The following PDE8B variants were observed in gnomAD, a reference collection of about 807,000 sequenced individuals.
PDE8B encodes the protein phosphodiesterase 8B.
A neutral mutation model predicts 101.3 loss-of-function variants in PDE8B; 26 were observed. The observed-to-expected ratio is 0.26, with a 90% CI of 0.19 to 0.36. PDE8B has a LOEUF of 0.36. Among genes scored for constraint, PDE8B ranks in the 10% least tolerant of loss-of-function variants. The probability of loss-of-function intolerance (pLI) is 1.00; values close to 1 mark genes in which losing one functional copy is unlikely to be tolerated. For synonymous variants in PDE8B, 424 were observed against 429.3 expected (o/e 0.99, Z 0.15); for missense variants, 810 against 1,163.1 (o/e 0.70, Z 4.42).
At chr5:77,258,505 T>C (rs572905426) in intron 1 of PDE8B, among the ~76,000 whole-genome samples, 1 of 152,118 alleles carries the variant, frequency 6.6e-6, no homozygotes, top group Non-Finnish European at 1.5e-5. Context: ...ATTAGCTGTA[T>C]CTTAGAATTT....
intron 1 of PDE8B, among the ~76,000 whole-genome samples, chr5:77,286,472 T>C (rs1294340844): frequency 6.6e-6 from 1 of 152,226 alleles, no homozygotes; most frequent in East Asian, 1.9e-4. Context: ...TGGCCTGCCC[T>C]CATGGCAAAA....
intron 1 of PDE8B, among the ~76,000 whole-genome samples, chr5:77,303,349 G>C (rs1010763066): frequency 1.3e-5 from 2 of 152,092 alleles, no homozygotes; most frequent in African/African-American, 4.8e-5. Flanking sequence ...AGACCAGCCT[G>C]GGCAACACGG....
At chr5:77,424,819 G>GTTTTTTTTT (rs912849753) in intron 20 of PDE8B, among the ~76,000 whole-genome samples, 7 of 110,046 alleles carry the variant, frequency 6.4e-5, no homozygotes, top group Non-Finnish European at 6.2e-5. Flanking sequence ...CTGTTTTTTT[G>GTTTTTTTTT]TTTTTTGTTT....
chr5:77,090,203 C>T, the PDE8B span, among the ~76,000 whole-genome samples: 1 of 152,110 alleles, frequency 6.6e-6, no homozygotes, highest in African/African-American at 2.4e-5. Flanking sequence ...TTTGATAACA[C>T]GGAAGGGTGA....
At chr5:77,103,753 T>G in the PDE8B span, among the ~76,000 whole-genome samples, 1 of 152,218 alleles carries the variant, frequency 6.6e-6, no homozygotes, top group Non-Finnish European at 1.5e-5. Flanking sequence ...AGCTTGGACA[T>G]CCTGCATCTT....
chr5:77,238,289 G>A (rs1755086582), intron 1 of PDE8B, among the ~76,000 whole-genome samples: 1 of 151,902 alleles, frequency 6.6e-6, no homozygotes, highest in African/African-American at 2.4e-5. Flanking sequence ...TGTTCAGATT[G>A]GATAATTTGT....
the PDE8B span, among the ~76,000 whole-genome samples, chr5:77,116,653 A>G: frequency 3.3e-5 from 5 of 152,260 alleles, no homozygotes; most frequent in Non-Finnish European, 5.9e-5. Flanking sequence ...GATATTCCTT[A>G]AAAGTTCCAA....
rs1333089824 is a variant in PDE8B, at chr5:77,378,367, G to T, written c.1168-21881G>T. On this transcript the variant is annotated intron_variant, in intron 10 of 21. Coordinates refer to ENST00000264917, the MANE Select transcript of PDE8B (RefSeq NM_003719.5). ...CCAGCTACTCGGGAGGCTGAGGCAGGAGAATCGCTTGAACCCAGGAGGCAG... is the reference window on the plus strand; with the variant it reads ...CCAGCTACTCGGGAGGCTGAGGCAGTAGAATCGCTTGAACCCAGGAGGCAG... 2.0e-5 allele frequency among the ~76,000 whole-genome samples: 3 copies of T among 149,494 alleles called. No homozygotes were observed. The East Asian group carries it at 6.0e-4, about 30-fold the overall frequency.
intron 2 of PDE8B, among the ~76,000 whole-genome samples, chr5:77,318,343 G>C (rs1174546138): frequency 6.6e-6 from 1 of 152,140 alleles, no homozygotes; most frequent in Non-Finnish European, 1.5e-5. Flanking sequence ...AAGAACCATA[G>C]AGTTGTTAAG....
intron 1 of PDE8B, among the ~76,000 whole-genome samples, chr5:77,239,165 A>G (rs1755257052): frequency 6.6e-6 from 1 of 152,214 alleles, no homozygotes; most frequent in Admixed American, 6.5e-5. Context: ...AAGACTTTGT[A>G]TCTTGATTAA....
chr5:77,177,671 G>C, the PDE8B span, among the ~76,000 whole-genome samples: 1 of 152,128 alleles, frequency 6.6e-6, no homozygotes, highest in African/African-American at 2.4e-5. Context: ...ATAAAATAAG[G>C]GTGCCTTGAA....
intron 20 of PDE8B, among the ~76,000 whole-genome samples, chr5:77,423,723 C>T (rs1797263077): frequency 7.0e-6 from 1 of 143,250 alleles, no homozygotes; most frequent in Admixed American, 7.2e-5. Flanking sequence ...CACTGCAACC[C>T]TCACCTCCCA....
intron 1 of PDE8B, among the ~76,000 whole-genome samples, chr5:77,212,449 A>T (rs1561352656): frequency 2.0e-5 from 3 of 150,166 alleles, no homozygotes; most frequent in Non-Finnish European, 3.0e-5. Context: ...TAATGAACCT[A>T]TTTTTTTTTT....
chr5:77,202,608 G>C, the PDE8B span, among the ~76,000 whole-genome samples: 2 of 151,656 alleles, frequency 1.3e-5, no homozygotes, highest in Non-Finnish European at 2.9e-5. Flanking sequence ...TATCTGTAAG[G>C]CTTCTGGTCA....
chr5:77,353,316 A>T, intron 9 of PDE8B, 30 bp from the exon 10 acceptor site: 1 of 1,176,782 alleles, frequency 8.5e-7, no homozygotes, highest in African/African-American at 1.5e-5. Flanking sequence ...CTCATATCTG[A>T]CTCACTAATA....
At chr5:77,088,005 CAGTG>C in the PDE8B span, 1 of 152,394 alleles carries the variant, frequency 6.6e-6, no homozygotes, top group Non-Finnish European at 1.5e-5. Flanking sequence ...AACTTGCTGT[CAGTG>C]GGTGGGGAAG....
At chr5:77,403,346 T>C (rs190451320) in intron 11 of PDE8B, among the ~76,000 whole-genome samples, 2 of 152,318 alleles carry the variant, frequency 1.3e-5, no homozygotes, top group Non-Finnish European at 2.9e-5. Context: ...AATCTAAAAC[T>C]GTTTTCTTCC....
chr5:77,288,160 C>G (rs1175833442), intron 1 of PDE8B, among the ~76,000 whole-genome samples: 1 of 152,158 alleles, frequency 6.6e-6, no homozygotes, highest in African/African-American at 2.4e-5. Context: ...TGAAGGCTGG[C>G]CTATCTCCAG....
At chr5:77,304,790 G>A (rs1467247154) in intron 1 of PDE8B, among the ~76,000 whole-genome samples, 9 of 152,162 alleles carry the variant, frequency 5.9e-5, no homozygotes, top group South Asian at 4.1e-4. Context: ...TGATTGTAAC[G>A]TAGGGATATT....
Sources: allele counts gnomAD v4.1 joint callset (sites outside exome capture counted in the v4.1 genomes callset), GRCh38; gene constraint gnomAD v4.1.1; transcripts MANE v1.5; gene names NCBI Gene and HGNC (gene_info 2026-07-23, HGNC 2026-07-21).